The following MPPED1 variants were observed in gnomAD, a reference collection of about 807,000 sequenced individuals.
The protein encoded by MPPED1 is metallophosphoesterase domain-containing protein 1.
In MPPED1, 16 loss-of-function variants were observed where a neutral mutation model predicts 36.2. The ratio of observed to expected loss-of-function variants is 0.44; its 90% CI spans 0.30 to 0.67. The LOEUF (loss-of-function observed/expected upper bound fraction) is 0.67. Among genes scored for constraint, MPPED1 ranks in the 30% least tolerant of loss-of-function variants. The pLI is 0.10. For synonymous variants in MPPED1, 199 were observed against 191.3 expected (o/e 1.04, Z -0.33); for missense variants, 307 against 453.4 (o/e 0.68, Z 2.93).
chr22:43,435,024 C>T lies in MPPED1; in HGVS notation c.225-10C>T, dbSNP rs1219142561. ...GGCCTCCTGATCCGCAGTGTCATCT[C>T]TCCCTGCAGGGTGGACCCGGTGCCT... On this transcript the variant is annotated splice_polypyrimidine_tract_variant and intron_variant, in intron 2 of 6. Transcript: ENST00000443721. 6.2e-7 allele frequency: 1 copy of T among 1,612,500 alleles called. No homozygotes were observed. Among genetic ancestry groups the T allele is most frequent in the Non-Finnish European group, 8.5e-7 (1 of 1,179,202 alleles).
At chr22:43,413,397 T>G (rs62234084) in intron 1 of MPPED1, among the ~76,000 whole-genome samples, 1 of 125,412 alleles carries the variant, frequency 8.0e-6, no homozygotes, top group South Asian at 2.2e-4. Context: ...AAAAAAAAAT[T>G]AAACCAACTT....
At chr22:43,473,701 T>G (rs931881540) in intron 3 of MPPED1, among the ~76,000 whole-genome samples, 7 of 151,936 alleles carry the variant, frequency 4.6e-5, no homozygotes, top group Non-Finnish European at 7.4e-5. Flanking sequence ...GGCTCTCAGA[T>G]GGAGTAGGGG....
intron 3 of MPPED1, among the ~76,000 whole-genome samples, chr22:43,447,799 T>TTA (rs547383228): frequency 1.0e-3 from 144 of 140,920 alleles, no homozygotes; most frequent in South Asian, 4.7e-3. Flanking sequence ...GGGAGCACAC[T>TTA]TATATATATA....
chr22:43,419,484 C>T (rs919989847), intron 1 of MPPED1, among the ~76,000 whole-genome samples: 1 of 152,172 alleles, frequency 6.6e-6, no homozygotes, highest in Non-Finnish European at 1.5e-5. Flanking sequence ...GCAGGACCCC[C>T]TCTGTGCCAG....
intron 3 of MPPED1, among the ~76,000 whole-genome samples, chr22:43,464,197 C>T (rs1341146134): frequency 1.3e-5 from 2 of 152,026 alleles, no homozygotes; most frequent in Non-Finnish European, 2.9e-5. Context: ...GTGTGAGCCA[C>T]CGCACCTGGC....
At chr22:43,484,655 C>G (rs1931854280) in intron 4 of MPPED1, among the ~76,000 whole-genome samples, 5 of 152,242 alleles carry the variant, frequency 3.3e-5, no homozygotes, top group Admixed American at 3.3e-4. Flanking sequence ...TTGTGGAGAC[C>G]TGCATGGTGT....
chr22:43,412,112 CT>C lies in MPPED1; in HGVS notation c.-124del. 1.0e-6 allele frequency: 1 copy of C among 979,580 alleles called. No individual in the cohort carries two copies. 60.7% of individuals were successfully genotyped at this position (979,580 alleles called of 1,614,324 possible). A position where few individuals can be genotyped will look rare whatever the true frequency, so the allele number is the denominator to read the frequency against. On this transcript the variant is annotated 5_prime_UTR_variant, in exon 1 of 7. Transcript: ENST00000443721. ...GAGCCCCTGCCTCCCTCGGTGCGCG[CT>C]GCTGCTCGCAGCCGCCGCGGCCGCC...
At chr22:43,451,664 G>A (rs1444179946) in intron 3 of MPPED1, among the ~76,000 whole-genome samples, 2 of 152,240 alleles carry the variant, frequency 1.3e-5, no homozygotes, top group Non-Finnish European at 2.9e-5. Flanking sequence ...CATTTGTCAT[G>A]TTGGTGTTTG....
intron 4 of MPPED1, among the ~76,000 whole-genome samples, chr22:43,492,833 C>T (rs754901948): frequency 5.9e-5 from 9 of 152,146 alleles, no homozygotes; most frequent in Non-Finnish European, 4.4e-5. Context: ...GTGTGTTCTG[C>T]CTGCTTTTAG....
chr22:43,501,649 C>T (rs772454033), intron 5 of MPPED1, among the ~76,000 whole-genome samples: 1 of 152,148 alleles, frequency 6.6e-6, no homozygotes, highest in South Asian at 2.1e-4. Flanking sequence ...ATGGTGGGAT[C>T]CCAGTGCCCA....
intron 3 of MPPED1, among the ~76,000 whole-genome samples, chr22:43,458,379 T>C (rs1930828503): frequency 6.6e-6 from 1 of 151,566 alleles, no homozygotes; most frequent in African/African-American, 2.4e-5. Context: ...TCTGACCCCC[T>C]GGTTCAAGTG....
chr22:43,499,530 AGGTGGTGGTGATGGTG>A (rs1227351114), intron 5 of MPPED1, among the ~76,000 whole-genome samples: 1 of 53,136 alleles, frequency 1.9e-5, no homozygotes, highest in African/African-American at 7.8e-5. Context: ...GTGGTGATGG[AGGTGGTGGTGATGGTG>A]GGTGGTGGTG....
At chr22:43,483,754 G>T (rs185214928) in intron 4 of MPPED1, among the ~76,000 whole-genome samples, 1 of 152,202 alleles carries the variant, frequency 6.6e-6, no homozygotes, top group East Asian at 1.9e-4. Context: ...GGCTTAGGGG[G>T]TGTAGCCCAG....
Position 43,497,935 on chromosome 22 carries a change from G to GTATATATATATATATATATATA in MPPED1, c.633-287_633-286insATATATATATATATATATATAT, listed in dbSNP as rs753427064. On this transcript the variant is annotated intron_variant, in intron 4 of 6. Coordinates refer to ENST00000443721, the MANE Select transcript of MPPED1 (RefSeq NM_001044370.2). ...AAGAAGCTGATATATATATGTATAT[G>GTATATATATATATATATATATA]TATATATATATATGTATTTAGCTTT... 8.1e-4 allele frequency among the ~76,000 whole-genome samples: 104 copies of GTATATATATATATATATATATA among 128,368 alleles called. 2 individuals carry two copies. The highest frequency in any genetic ancestry group is 3.2e-3 in the East Asian group (15 of 4,666). 84.2% of individuals were successfully genotyped at this position (128,368 alleles called of 152,430 possible). A position where few individuals can be genotyped will look rare whatever the true frequency, so the allele number is the denominator to read the frequency against.
intron 2 of MPPED1, 40 bp downstream of exon 2, chr22:43,425,249 G>C: frequency 2.7e-6 from 3 of 1,092,824 alleles, no homozygotes; most frequent in Admixed American, 2.1e-5. Flanking sequence ...GGCGGTGACG[G>C]CCCCCTGGGG....
chr22:43,475,848 G>A (rs1931554753), intron 4 of MPPED1, among the ~76,000 whole-genome samples: 1 of 148,672 alleles, frequency 6.7e-6, no homozygotes, highest in Non-Finnish European at 1.5e-5. Flanking sequence ...TGGTGATAAT[G>A]ATGGTGATGA....
At chr22:43,499,098 TGGA>T in intron 5 of MPPED1, among the ~76,000 whole-genome samples, 2 of 149,262 alleles carry the variant, frequency 1.3e-5, no homozygotes, top group South Asian at 4.3e-4. Context: ...GTGGTGGTGG[TGGA>T]GGTGGTGATG....
intron 3 of MPPED1, among the ~76,000 whole-genome samples, chr22:43,442,175 C>T (rs910908383): frequency 1.3e-5 from 2 of 151,846 alleles, no homozygotes; most frequent in African/African-American, 2.4e-5. Context: ...CTTGGGGGTG[C>T]GGAAACCAAC....
intron 3 of MPPED1, among the ~76,000 whole-genome samples, chr22:43,463,811 CTTTCTTTCTTT>C (rs1931045816): frequency 4.1e-5 from 1 of 24,210 alleles, no homozygotes; most frequent in Non-Finnish European, 8.5e-5. Flanking sequence ...TTTTTCTTTT[CTTTCTTTCTTT>C]CTTTCTTTCT....
Sources: gnomAD v4.1 joint callset for allele counts (sites outside exome capture counted in the v4.1 genomes callset) on GRCh38, gnomAD v4.1.1 for gene constraint, MANE v1.5 for transcripts, NCBI Gene and HGNC (gene_info 2026-07-23, HGNC 2026-07-21) for gene names.